GPC5: variants seen among roughly 807,000 people sequenced by gnomAD.
The protein encoded by GPC5 is glypican-5.
Under a neutral mutation model 53.9 loss-of-function variants are expected in GPC5, and 47 were observed. The ratio of observed to expected loss-of-function variants is 0.87; its 90% CI spans 0.69 to 1.11. The LOEUF (loss-of-function observed/expected upper bound fraction) is 1.11. Ranked by LOEUF, GPC5 falls within the 50% of genes most tolerant of loss-of-function variation. The pLI is 0.00. For missense variants in GPC5, 748 were observed against 713.1 expected, an observed-to-expected ratio of 1.05 and a Z score of -0.56; for synonymous variants, 286 against 263.3, an observed-to-expected ratio of 1.09 and a Z score of -0.84.
chr13:92,771,681 T>C (rs997809203), intron 7 of GPC5, among the ~76,000 whole-genome samples: 1 of 152,102 alleles, frequency 6.6e-6, no homozygotes, highest in Non-Finnish European at 1.5e-5. Context: ...ATCACAAAGA[T>C]ACCTCTAGAC....
At chr13:92,656,703 A>G (rs1886147737) in intron 7 of GPC5, among the ~76,000 whole-genome samples, 2 of 152,208 alleles carry the variant, frequency 1.3e-5, no homozygotes, top group South Asian at 4.1e-4. Context: ...AACTTTCAAT[A>G]ATAGCAAAAA....
At chr13:91,678,819 A>G (rs1039206975) in intron 2 of GPC5, among the ~76,000 whole-genome samples, 2 of 151,848 alleles carry the variant, frequency 1.3e-5, no homozygotes, top group African/African-American at 4.8e-5. Flanking sequence ...ATGTAATTTG[A>G]GAAACTGCAA....
intron 6 of GPC5, among the ~76,000 whole-genome samples, chr13:92,027,106 A>C (rs2040807010): frequency 6.6e-6 from 1 of 152,244 alleles, no homozygotes. Flanking sequence ...AAATCATAAA[A>C]GATTCATGTG....
chr13:92,748,582 A>G (rs1889301430), intron 7 of GPC5, among the ~76,000 whole-genome samples: 1 of 151,842 alleles, frequency 6.6e-6, no homozygotes, highest in Non-Finnish European at 1.5e-5. Flanking sequence ...CGGCCTCCCA[A>G]AGTGCTGGGA....
intron 4 of GPC5, among the ~76,000 whole-genome samples, chr13:91,743,862 T>C (rs566458463): frequency 6.6e-6 from 1 of 152,224 alleles, no homozygotes; most frequent in South Asian, 2.1e-4. Flanking sequence ...TTTCAAGGTA[T>C]CTCTTTTTGT....
At chr13:91,478,824 C>CATATATAT (rs36188475) in intron 2 of GPC5, among the ~76,000 whole-genome samples, 1 of 77,902 alleles carries the variant, frequency 1.3e-5, no homozygotes, top group African/African-American at 5.3e-5. Context: ...TATATATATA[C>CATATATAT]ACACACACAC....
chr13:92,024,304 T>C (rs923193448), intron 6 of GPC5, among the ~76,000 whole-genome samples: 1 of 152,156 alleles, frequency 6.6e-6, no homozygotes, highest in African/African-American at 2.4e-5. Flanking sequence ...TGCTGTTCTG[T>C]TTGGATCCAG....
At chr13:92,853,163 T>C (rs970746508) in intron 7 of GPC5, among the ~76,000 whole-genome samples, 3 of 152,184 alleles carry the variant, frequency 2.0e-5, no homozygotes, top group African/African-American at 7.2e-5. Flanking sequence ...GAGACTCTAC[T>C]GAGAGAAGAA....
chr13:92,210,046 A>T (rs1464634864), intron 7 of GPC5, among the ~76,000 whole-genome samples: 1 of 152,106 alleles, frequency 6.6e-6, no homozygotes, highest in Non-Finnish European at 1.5e-5. Flanking sequence ...CTGGCAGCTG[A>T]TTAGATTGTG....
chr13:91,602,811 A>G (rs2033221998), intron 2 of GPC5, among the ~76,000 whole-genome samples: 1 of 152,242 alleles, frequency 6.6e-6, no homozygotes, highest in African/African-American at 2.4e-5. Context: ...CTTTGTGATT[A>G]TTAAAAGAAA....
chr13:92,186,835 T>C (rs1253177438), intron 7 of GPC5, among the ~76,000 whole-genome samples: 1 of 151,980 alleles, frequency 6.6e-6, no homozygotes, highest in Non-Finnish European at 1.5e-5. Context: ...TACCTAAAAA[T>C]TTACTTCCGC....
At chr13:91,718,388 G>A (rs1313242098) in intron 3 of GPC5, among the ~76,000 whole-genome samples, 1 of 151,666 alleles carries the variant, frequency 6.6e-6, no homozygotes, top group African/African-American at 2.4e-5. Context: ...GGGATTACAG[G>A]CGTGAGCCAC....
chr13:92,836,359 T>C (rs555479347), intron 7 of GPC5, among the ~76,000 whole-genome samples: 3 of 152,068 alleles, frequency 2.0e-5, no homozygotes, highest in African/African-American at 7.2e-5. Context: ...TCCAAATTTA[T>C]TTTCTTCCAG....
chr13:92,189,243 A>G (rs955547366), intron 7 of GPC5, among the ~76,000 whole-genome samples: 1 of 152,088 alleles, frequency 6.6e-6, no homozygotes, highest in African/African-American at 2.4e-5. Context: ...AACTTGGCCC[A>G]TCCTCAGGAG....
chr13:91,971,983 T>C (rs7400087), intron 6 of GPC5, among the ~76,000 whole-genome samples: 91,862 of 151,856 alleles, frequency 0.6, 28,500 homozygotes, highest in East Asian at 0.75. Context: ...CTATTAGGTC[T>C]GCTTGGTGCA....
intron 7 of GPC5, among the ~76,000 whole-genome samples, chr13:92,425,981 A>G (rs183154961): frequency 9.3e-4 from 141 of 152,224 alleles, no homozygotes; most frequent in African/African-American, 3.3e-3. Flanking sequence ...ACATTAGATC[A>G]ACATACATTT....
chr13:92,776,825 T>C (rs1875826732), intron 7 of GPC5, among the ~76,000 whole-genome samples: 1 of 151,882 alleles, frequency 6.6e-6, no homozygotes, highest in Non-Finnish European at 1.5e-5. Context: ...TCAATTATAG[T>C]AGGGTACTCA....
chr13:92,500,205 G>A (rs974420), intron 7 of GPC5, among the ~76,000 whole-genome samples: 64,635 of 151,792 alleles, frequency 0.43, 14,291 homozygotes, highest in East Asian at 0.7. Context: ...CCGTCCCACA[G>A]ACCCTGACCC....
intron 5 of GPC5, among the ~76,000 whole-genome samples, chr13:91,764,218 AG>A (rs938801057): frequency 3.9e-5 from 6 of 152,136 alleles, no homozygotes; most frequent in Non-Finnish European, 8.8e-5. Flanking sequence ...GTTAAAGCTT[AG>A]GGAAATATTA....
Sources: gnomAD v4.1 joint callset for allele counts (sites outside exome capture counted in the v4.1 genomes callset) on GRCh38, gnomAD v4.1.1 for gene constraint, MANE v1.5 for transcripts, NCBI Gene and HGNC (gene_info 2026-07-23, HGNC 2026-07-21) for gene names.